Variants in NHERF4 observed in about 807,000 individuals in gnomAD.
The protein encoded by NHERF4 is Na(+)/H(+) exchange regulatory cofactor NHE-RF4.
the NHERF4 span, chr11:119,187,755 C>T: frequency 1.6e-5 from 24 of 1,466,396 alleles, no homozygotes; most frequent in Non-Finnish European, 2.2e-5. Context: ...GGCCCCACCT[C>T]GGGAAGACGC....
At chr11:119,188,592 G>A in the NHERF4 span, 1 of 1,608,560 alleles carries the variant, frequency 6.2e-7, no homozygotes, top group Non-Finnish European at 8.5e-7. Context: ...GGGCAGGAGT[G>A]GGGCAGGGCT....
the NHERF4 span, chr11:119,189,196 G>A: frequency 6.2e-7 from 1 of 1,607,938 alleles, no homozygotes; most frequent in Non-Finnish European, 8.5e-7. The surrounding 1 kb of genome is among the most constrained non-coding windows in gnomAD (Gnocchi z 5.8). Context: ...TTCCCCCTGG[G>A]GCTGCAGAGG....
chr11:119,187,357 G>A, the NHERF4 span: 1 of 1,613,886 alleles, frequency 6.2e-7, no homozygotes. Context: ...AGCTCAGCTG[G>A]GAGAAGATGC....
At chr11:119,189,193 T>G in the NHERF4 span, 1 of 1,608,966 alleles carries the variant, frequency 6.2e-7, no homozygotes, top group South Asian at 1.1e-5. This position sits in a 1 kb window ranked among gnomAD's most constrained non-coding sequence, Gnocchi z 5.8. Flanking sequence ...GGATTCCCCC[T>G]GGGGCTGCAG....
the NHERF4 span, chr11:119,187,894 T>G: frequency 6.7e-7 from 1 of 1,489,270 alleles, no homozygotes; most frequent in African/African-American, 1.4e-5. Context: ...ATACCTCTTC[T>G]CTCCCTGCCC....
the NHERF4 span, chr11:119,186,293 A>G: frequency 1.2e-6 from 2 of 1,601,112 alleles, no homozygotes; most frequent in African/African-American, 1.3e-5. This position sits in a 1 kb window ranked among gnomAD's most constrained non-coding sequence, Gnocchi z 4.4. Context: ...GGGAGTAGAG[A>G]TAGGAGGGGC....
chr11:119,187,331 C>G, the NHERF4 span: 3 of 1,613,336 alleles, frequency 1.9e-6, no homozygotes, highest in Non-Finnish European at 2.5e-6. Flanking sequence ...GCACGGCATG[C>G]ACATGACGTG....
At chr11:119,188,673 A>G in the NHERF4 span, 12 of 1,613,998 alleles carry the variant, frequency 7.4e-6, no homozygotes, top group African/African-American at 9.3e-5. Flanking sequence ...CTTGGAGAAC[A>G]CAGAGGCTCC....
the NHERF4 span, chr11:119,190,038 C>A: frequency 2.2e-6 from 1 of 452,478 alleles, no homozygotes; most frequent in Non-Finnish European, 3.9e-6. This position sits in a 1 kb window ranked among gnomAD's most constrained non-coding sequence, Gnocchi z 4.2. Context: ...TGGGATGCGG[C>A]TCCTGCAGGA....
chr11:119,187,635 G>A, the NHERF4 span: 2 of 1,566,018 alleles, frequency 1.3e-6, no homozygotes, highest in South Asian at 1.2e-5. Context: ...GCCCCCCGGG[G>A]CCCGGCTGCT....
the NHERF4 span, among the ~76,000 whole-genome samples, chr11:119,186,851 G>A: frequency 7.2e-5 from 11 of 152,258 alleles, no homozygotes; most frequent in East Asian, 7.7e-4. This position sits in a 1 kb window ranked among gnomAD's most constrained non-coding sequence, Gnocchi z 4.4. Context: ...CTAGAAAGCC[G>A]ATTCCCGCTG....
the NHERF4 span, chr11:119,185,662 A>G: frequency 7.6e-6 from 6 of 793,778 alleles, no homozygotes; most frequent in African/African-American, 3.4e-5. Flanking sequence ...ATGAGTTGAT[A>G]TGTCTGTCTT....
the NHERF4 span, chr11:119,188,143 T>C: frequency 1.3e-6 from 2 of 1,537,320 alleles, no homozygotes; most frequent in Non-Finnish European, 8.8e-7. Flanking sequence ...ACGGTCGCCC[T>C]GGTGAGTGGG....
the NHERF4 span, chr11:119,186,657 C>T: frequency 1.2e-6 from 2 of 1,610,540 alleles, no homozygotes; most frequent in Non-Finnish European, 1.7e-6. This position sits in a 1 kb window ranked among gnomAD's most constrained non-coding sequence, Gnocchi z 4.4. Context: ...TGGCGGTGAA[C>T]AATGATGTTG....
chr11:119,185,543 C>G, the NHERF4 span: 2 of 1,606,704 alleles, frequency 1.2e-6, no homozygotes, highest in Admixed American at 1.7e-5. Flanking sequence ...CTGCAGGGGA[C>G]TTTGGGACAG....
At chr11:119,189,657 C>G in the NHERF4 span, 11 of 746,850 alleles carry the variant, frequency 1.5e-5, no homozygotes, top group Non-Finnish European at 2.3e-6. This position sits in a 1 kb window ranked among gnomAD's most constrained non-coding sequence, Gnocchi z 5.8. Flanking sequence ...GGCCCACCTG[C>G]CAGCAGAGGG....
At chr11:119,187,328 A>C in the NHERF4 span, 1 of 1,613,312 alleles carries the variant, frequency 6.2e-7, no homozygotes, top group Non-Finnish European at 8.5e-7. Flanking sequence ...TTGGCACGGC[A>C]TGCACATGAC....
At chr11:119,190,081 A>G in the NHERF4 span, 1 of 527,640 alleles carries the variant, frequency 1.9e-6, no homozygotes, top group Admixed American at 3.4e-5. The surrounding 1 kb of genome is among the most constrained non-coding windows in gnomAD (Gnocchi z 4.2). Flanking sequence ...TTTATTTCCT[A>G]TCAATCACTG....
chr11:119,188,818 G>C, the NHERF4 span: 1 of 1,614,186 alleles, frequency 6.2e-7, no homozygotes, highest in Non-Finnish European at 8.5e-7. Flanking sequence ...GGCAGCTATG[G>C]CTTCCGACTC....
Sources: gnomAD v4.1 joint callset for allele counts (sites outside exome capture counted in the v4.1 genomes callset) on GRCh38, gnomAD v4.1.1 for gene constraint, Gnocchi (gnomAD v3.1) non-coding constraint, MANE v1.5 for transcripts, NCBI Gene and HGNC (gene_info 2026-07-23, HGNC 2026-07-21) for gene names.